XRCC4: variants seen among roughly 807,000 people sequenced by gnomAD.
The protein encoded by XRCC4 is DNA repair protein XRCC4.
Under a neutral mutation model 39.1 loss-of-function variants are expected in XRCC4, and 28 were observed. That is an observed-to-expected ratio of 0.72 (90% CI 0.53 to 0.98). XRCC4 has a LOEUF of 0.98. XRCC4 is among the 50% of genes least tolerant of loss of function. XRCC4 has a pLI of 0.00. For missense variants in XRCC4, 350 were observed against 376.4 expected (o/e 0.93, Z 0.58); for synonymous variants, 123 against 126.4 (o/e 0.97, Z 0.18).
intron 1 of XRCC4, among the ~76,000 whole-genome samples, chr5:83,094,118 T>G (rs1745558455): frequency 6.6e-6 from 1 of 152,104 alleles, no homozygotes; most frequent in Non-Finnish European, 1.5e-5. Context: ...TGGTTGGAGA[T>G]CTCCTTTCTT....
intron 7 of XRCC4, among the ~76,000 whole-genome samples, chr5:83,263,672 G>A (rs540930218): frequency 9.4e-5 from 14 of 149,208 alleles, no homozygotes; most frequent in South Asian, 2.1e-4. Context: ...CATGTCCTTC[G>A]CCCACTTTTT....
intron 3 of XRCC4, among the ~76,000 whole-genome samples, chr5:83,161,937 A>G (rs13160169): frequency 6.6e-6 from 1 of 152,298 alleles, no homozygotes; most frequent in Non-Finnish European, 1.5e-5. Context: ...AGGCCAAGGC[A>G]GGCAGGTCAC....
chr5:83,193,707 A>C (rs1750812080), intron 3 of XRCC4, among the ~76,000 whole-genome samples: 1 of 152,182 alleles, frequency 6.6e-6, no homozygotes, highest in African/African-American at 2.4e-5. Context: ...GCATTTTGAA[A>C]CTTTTCAAAT....
rs181346451 is a variant in XRCC4, at chr5:83,281,603, T to A, written c.893+22926T>A. Reference sequence around the variant, plus strand: ...ATTCCCTCACATGGTGGCAATTGGTTATACTGACTGTTCTCTTTAGAATGG... The same window carrying A: ...ATTCCCTCACATGGTGGCAATTGGTAATACTGACTGTTCTCTTTAGAATGG... On this transcript the variant is annotated intron_variant, in intron 7 of 7. Coordinates refer to ENST00000396027, the MANE Select transcript of XRCC4 (RefSeq NM_003401.5). 2.6e-3 allele frequency among the ~76,000 whole-genome samples: 397 copies of A among 152,306 alleles called. 4 individuals are homozygous for A. Among genetic ancestry groups the A allele is most frequent in the South Asian group, 6.2e-3 (30 of 4,822 alleles).
intron 7 of XRCC4, among the ~76,000 whole-genome samples, chr5:83,331,686 G>A (rs1756440993): frequency 6.6e-6 from 1 of 152,082 alleles, no homozygotes; most frequent in African/African-American, 2.4e-5. Context: ...GATAAAAGTT[G>A]TGTGGTCACT....
At chr5:83,183,380 G>A (rs766602931) in intron 3 of XRCC4, among the ~76,000 whole-genome samples, 4 of 149,688 alleles carry the variant, frequency 2.7e-5, no homozygotes, top group Admixed American at 6.7e-5. Flanking sequence ...TAATGACCCC[G>A]TCTTACATTT....
intron 6 of XRCC4, among the ~76,000 whole-genome samples, chr5:83,234,364 A>G (rs1204124344): frequency 2.6e-5 from 4 of 152,056 alleles, no homozygotes; most frequent in Admixed American, 2.6e-4. Flanking sequence ...ATTCTTATTT[A>G]TTTACTTATT....
chr5:83,200,033 C>T (rs1751116618), intron 4 of XRCC4, among the ~76,000 whole-genome samples: 1 of 152,022 alleles, frequency 6.6e-6, no homozygotes, highest in Middle Eastern at 3.2e-3. Flanking sequence ...TGTCTCTTCT[C>T]CACTAAATGT....
At chr5:83,300,667 G>A (rs1032641398) in intron 7 of XRCC4, among the ~76,000 whole-genome samples, 6 of 150,490 alleles carry the variant, frequency 4.0e-5, no homozygotes, top group African/African-American at 1.5e-4. Flanking sequence ...TGCCATGGTG[G>A]TTTGCTGCAC....
intron 7 of XRCC4, among the ~76,000 whole-genome samples, chr5:83,323,641 A>C (rs1464399174): frequency 6.6e-6 from 1 of 152,040 alleles, no homozygotes; most frequent in Non-Finnish European, 1.5e-5. Context: ...GCCAAGTGCA[A>C]AATAAATAGA....
chr5:83,084,960 C>T (rs927938798), intron 1 of XRCC4, among the ~76,000 whole-genome samples: 19 of 152,114 alleles, frequency 1.2e-4, no homozygotes, highest in African/African-American at 3.1e-4. Flanking sequence ...TTAGTAATGT[C>T]GTTGCAAATG....
chr5:83,186,974 C>T (rs1451472343), intron 3 of XRCC4, among the ~76,000 whole-genome samples: 2 of 38,604 alleles, frequency 5.2e-5, no homozygotes, highest in East Asian at 3.5e-4. Context: ...GACGGAGTCT[C>T]GCTCTGTCGC....
chr5:83,370,082 C>T, the XRCC4 span, among the ~76,000 whole-genome samples: 1 of 152,080 alleles, frequency 6.6e-6, no homozygotes, highest in Non-Finnish European at 1.5e-5. Context: ...TTGCCACATC[C>T]CTGCCAGGAT....
chr5:83,287,385 A>G (rs1439898582), intron 7 of XRCC4, among the ~76,000 whole-genome samples: 1 of 152,088 alleles, frequency 6.6e-6, no homozygotes, highest in Non-Finnish European at 1.5e-5. Context: ...ACAGCTTTCT[A>G]TGCCTTATTT....
chr5:83,108,551 C>T (rs1746304151), intron 2 of XRCC4, among the ~76,000 whole-genome samples: 1 of 151,714 alleles, frequency 6.6e-6, no homozygotes, highest in South Asian at 2.1e-4. Flanking sequence ...GCTCCACAGG[C>T]TAGCATTTTT....
chr5:83,290,798 A>T (rs1468690257), intron 7 of XRCC4, among the ~76,000 whole-genome samples: 3 of 151,854 alleles, frequency 2.0e-5, no homozygotes, highest in Admixed American at 6.6e-5. Context: ...AGAGATCTGT[A>T]AAGTGCTGTG....
intron 7 of XRCC4, among the ~76,000 whole-genome samples, chr5:83,327,067 T>C (rs914593357): frequency 2.0e-5 from 3 of 151,866 alleles, no homozygotes; most frequent in African/African-American, 7.3e-5. Context: ...GTTTTGCTTA[T>C]TGAAGTGTAA....
At chr5:83,178,631 G>A (rs147043911) in intron 3 of XRCC4, among the ~76,000 whole-genome samples, 118 of 152,274 alleles carry the variant, frequency 7.7e-4, no homozygotes, top group African/African-American at 2.8e-3. Context: ...GGAGAATATA[G>A]AAAGGGGAGG....
intron 3 of XRCC4, among the ~76,000 whole-genome samples, chr5:83,188,206 G>C (rs897077038): frequency 6.6e-6 from 1 of 152,092 alleles, no homozygotes; most frequent in Non-Finnish European, 1.5e-5. Flanking sequence ...TTAAGGTGTT[G>C]TCCAGGGGCT....
Sources: allele counts gnomAD v4.1 joint callset (sites outside exome capture counted in the v4.1 genomes callset), GRCh38; gene constraint gnomAD v4.1.1; transcripts MANE v1.5; gene names NCBI Gene and HGNC (gene_info 2026-07-23, HGNC 2026-07-21).